The following HECW2 variants were observed in gnomAD, a reference collection of about 807,000 sequenced individuals.
HECW2 encodes E3 ubiquitin-protein ligase HECW2.
In HECW2, 61 loss-of-function variants were observed where a neutral mutation model predicts 175.2. That is an observed-to-expected ratio of 0.35 (90% CI 0.28 to 0.43). HECW2 has a LOEUF of 0.43. Among genes scored for constraint, HECW2 ranks in the 20% least tolerant of loss-of-function variants. HECW2 has a pLI of 1.00. For synonymous variants in HECW2, 671 were observed against 731.0 expected (o/e 0.92, Z 1.32); for missense variants, 1,524 against 2,000.5 (o/e 0.76, Z 4.54).
intron 1 of HECW2, among the ~76,000 whole-genome samples, chr2:196,532,667 A>G (rs1206350262): frequency 2.0e-5 from 3 of 150,164 alleles, no homozygotes; most frequent in Admixed American, 6.6e-5. Context: ...ATAAAAGTTA[A>G]TATTAAAAAA....
chr2:196,354,206 T>C (rs1280867654), intron 2 of HECW2, among the ~76,000 whole-genome samples: 3 of 152,200 alleles, frequency 2.0e-5, no homozygotes, highest in Middle Eastern at 3.2e-3. Flanking sequence ...AGGCTGCAGA[T>C]AGTGGGACTA....
chr2:196,407,581 C>G (rs189635157), intron 2 of HECW2, among the ~76,000 whole-genome samples: 7 of 152,292 alleles, frequency 4.6e-5, no homozygotes, highest in Middle Eastern at 3.4e-3. Context: ...TTCCCCAACA[C>G]AGAGAGGAAG....
At chr2:196,217,134 T>C (rs768483712) in intron 26 of HECW2, 41 bp from the exon 27 acceptor site, 1 of 1,467,002 alleles carries the variant, frequency 6.8e-7, no homozygotes, top group South Asian at 1.2e-5. Flanking sequence ...CTTTGACTCT[T>C]CTATATTAAG....
chr2:196,529,124 T>C (rs1425491316), intron 1 of HECW2, among the ~76,000 whole-genome samples: 1 of 152,232 alleles, frequency 6.6e-6, no homozygotes, highest in African/African-American at 2.4e-5. Flanking sequence ...CCCTGTAATA[T>C]TTAAGACAAA....
chr2:196,323,590 T>C (rs1054242284), intron 6 of HECW2, among the ~76,000 whole-genome samples: 1 of 152,194 alleles, frequency 6.6e-6, no homozygotes, highest in Non-Finnish European at 1.5e-5. Flanking sequence ...TGGAAAAAAG[T>C]ACTTGCTTAG....
At chr2:196,293,153 C>A (rs759398697) in intron 13 of HECW2, among the ~76,000 whole-genome samples, 4 of 152,170 alleles carry the variant, frequency 2.6e-5, no homozygotes, top group Admixed American at 6.5e-5. Context: ...CTCCCTCCCC[C>A]AGTCCTACTC....
At chr2:196,560,232 A>G (rs973525681) in intron 1 of HECW2, among the ~76,000 whole-genome samples, 2 of 151,860 alleles carry the variant, frequency 1.3e-5, no homozygotes, top group Non-Finnish European at 2.9e-5. Flanking sequence ...TGCAACCTCC[A>G]CCTCCCAGGT....
intron 2 of HECW2, among the ~76,000 whole-genome samples, chr2:196,423,999 G>A (rs1021503030): frequency 5.3e-5 from 8 of 151,728 alleles, no homozygotes; most frequent in Non-Finnish European, 7.4e-5. Context: ...GAAGGTGTGT[G>A]GAAACCCCAC....
intron 15 of HECW2, among the ~76,000 whole-genome samples, chr2:196,276,084 T>C (rs148583199): frequency 5.3e-4 from 81 of 152,352 alleles, no homozygotes; most frequent in African/African-American, 1.9e-3. Flanking sequence ...CTTTCTCTCC[T>C]CACAGTATGT....
intron 1 of HECW2, among the ~76,000 whole-genome samples, chr2:196,588,297 T>C (rs1300722845): frequency 1.3e-5 from 2 of 152,224 alleles, no homozygotes; most frequent in African/African-American, 4.8e-5. Context: ...CAATACATAT[T>C]ACTTGAATGA....
chr2:196,571,994 T>C (rs561994424), intron 1 of HECW2, among the ~76,000 whole-genome samples: 6 of 152,320 alleles, frequency 3.9e-5, no homozygotes, highest in African/African-American at 1.4e-4. Context: ...TGGAAGAATC[T>C]TGAGGGCATT....
At chr2:196,231,562 CA>C (rs1688057812) in intron 21 of HECW2, among the ~76,000 whole-genome samples, 1 of 152,230 alleles carries the variant, frequency 6.6e-6, no homozygotes, top group South Asian at 2.1e-4. Flanking sequence ...GCTACAAGGG[CA>C]GAGTTGAGTA....
chr2:196,377,111 A>C (rs1326172749), intron 2 of HECW2, among the ~76,000 whole-genome samples: 2 of 152,226 alleles, frequency 1.3e-5, no homozygotes, highest in Non-Finnish European at 2.9e-5. Flanking sequence ...AAGAGAAACC[A>C]GGTTGGCCAA....
At chr2:196,351,621 T>C (rs1693173802) in intron 2 of HECW2, among the ~76,000 whole-genome samples, 1 of 152,176 alleles carries the variant, frequency 6.6e-6, no homozygotes, top group African/African-American at 2.4e-5. Context: ...AGAAAAATAA[T>C]ACTTACAAAT....
intron 14 of HECW2, among the ~76,000 whole-genome samples, chr2:196,281,170 A>G (rs1319531971): frequency 6.6e-6 from 1 of 152,184 alleles, no homozygotes; most frequent in Non-Finnish European, 1.5e-5. Context: ...CAAAAGAACT[A>G]TACTGCAAAA....
intron 28 of HECW2, among the ~76,000 whole-genome samples, chr2:196,202,456 TA>T (rs1189740680): frequency 2.0e-5 from 3 of 152,286 alleles, no homozygotes. Context: ...AGTGAGTTAT[TA>T]AAACTCTGAG....
chr2:196,585,174 C>T (rs1489319076), intron 1 of HECW2, among the ~76,000 whole-genome samples: 1 of 152,116 alleles, frequency 6.6e-6, no homozygotes. Flanking sequence ...AATATTTTTG[C>T]CTTGTTTTGC....
chr2:196,441,525 G>C (rs1335049685), intron 1 of HECW2, among the ~76,000 whole-genome samples: 1 of 152,140 alleles, frequency 6.6e-6, no homozygotes, highest in Non-Finnish European at 1.5e-5. Flanking sequence ...GCAGTAAGTA[G>C]AGATGTGAGA....
intron 1 of HECW2, among the ~76,000 whole-genome samples, chr2:196,527,908 G>T (rs1688723848): frequency 6.6e-6 from 1 of 152,154 alleles, no homozygotes. Flanking sequence ...TCACAGACTT[G>T]AAAACTACCA....
Sources: allele counts gnomAD v4.1 joint callset (sites outside exome capture counted in the v4.1 genomes callset), GRCh38; gene constraint gnomAD v4.1.1; transcripts MANE v1.5; gene names NCBI Gene and HGNC (gene_info 2026-07-23, HGNC 2026-07-21).